Variants in PRKAA1 observed in about 807,000 individuals in gnomAD.
PRKAA1 encodes the protein 5'-AMP-activated protein kinase catalytic subunit alpha-1.
Under a neutral mutation model 56.9 loss-of-function variants are expected in PRKAA1, and 23 were observed. The ratio of observed to expected loss-of-function variants is 0.40; its 90% CI spans 0.29 to 0.57. The LOEUF (loss-of-function observed/expected upper bound fraction) is 0.57. Ranked by LOEUF, PRKAA1 falls within the 20% of genes least tolerant of loss-of-function variation. PRKAA1 has a pLI of 0.39. For missense variants in PRKAA1, 413 were observed against 679.7 expected, an observed-to-expected ratio of 0.61 and a Z score of 4.36; for synonymous variants, 226 against 227.0, an observed-to-expected ratio of 1.00 and a Z score of 0.04.
chr5:40,785,878 A>AGAGAGAGAGAGAGGGAGAGAGAGC (rs1454892834), intron 1 of PRKAA1, among the ~76,000 whole-genome samples: 1 of 149,042 alleles, frequency 6.7e-6, no homozygotes, highest in African/African-American at 2.5e-5. Context: ...AGAGAGAGAG[A>AGAGAGAGAGAGAGGGAGAGAGAGC]GCAAGCGAGC....
chr5:40,771,372 G>A (rs1743737774), intron 4 of PRKAA1, among the ~76,000 whole-genome samples: 1 of 152,140 alleles, frequency 6.6e-6, no homozygotes, highest in South Asian at 2.1e-4. Context: ...GCATGGTAGT[G>A]CACGCCTGCA....
intron 1 of PRKAA1, among the ~76,000 whole-genome samples, chr5:40,785,851 G>C (rs1181138492): frequency 5.1e-5 from 3 of 59,288 alleles, no homozygotes; most frequent in Non-Finnish European, 1.4e-4. Flanking sequence ...GAGAGAGAGA[G>C]AGAGAGAGAG....
In PRKAA1 at chr5:40,787,037, G is replaced by A. The variant is rs569038902; in HGVS notation, c.128-9451C>T. Among the ~76,000 whole-genome samples, 4 of 151,770 alleles carry A rather than the reference G, an allele frequency of 2.6e-5. No homozygotes were observed. The Admixed American group carries it at 2.6e-4, about 10-fold the overall frequency. ...ATAAAGAAGACACTAATGAGTGACA[G>A]GAAAACATGAAAAGTATAAAACTCA... On this transcript the variant is annotated intron_variant, in intron 1 of 8. Transcript: ENST00000397128.
At chr5:40,787,402 T>G (rs1744536799) in intron 1 of PRKAA1, among the ~76,000 whole-genome samples, 1 of 151,792 alleles carries the variant, frequency 6.6e-6, no homozygotes, top group East Asian at 1.9e-4. Context: ...GAGGTGGAGG[T>G]TGGGGTGAGC....
rs1561169061 is a variant in PRKAA1 at position 40,767,699 on chromosome 5, G to A, written c.597-9C>T. Reference sequence around the variant, plus strand: ...CTGGGCCTGCATACAATCTGTAACAGGAAATAACAATTGGATTAAAGAATC... The same window carrying A: ...CTGGGCCTGCATACAATCTGTAACAAGAAATAACAATTGGATTAAAGAATC... On this transcript the variant is annotated splice_polypyrimidine_tract_variant and intron_variant, in intron 5 of 8. Transcript: ENST00000397128. 2 of 1,569,640 alleles carry A rather than the reference G, an allele frequency of 1.3e-6. No individual in the cohort carries two copies. Among genetic ancestry groups the A allele is most frequent in the Admixed American group, 1.8e-5 (1 of 56,878 alleles).
intron 1 of PRKAA1, among the ~76,000 whole-genome samples, chr5:40,778,184 G>A (rs1246809450): frequency 6.6e-6 from 1 of 152,184 alleles, no homozygotes; most frequent in Non-Finnish European, 1.5e-5. Flanking sequence ...GGGAGGCAGA[G>A]GTTGCAGTGA....
intron 5 of PRKAA1, chr5:40,768,700 C>A: frequency 2.3e-6 from 3 of 1,280,306 alleles, no homozygotes; most frequent in Non-Finnish European, 3.0e-6. Context: ...GCAAAACATT[C>A]ACACAAATAA....
chr5:40,781,346 CT>C (rs1744257861), intron 1 of PRKAA1, among the ~76,000 whole-genome samples: 2 of 152,194 alleles, frequency 1.3e-5, no homozygotes, highest in South Asian at 2.1e-4. Context: ...TTTGTGCACC[CT>C]TTCTCAGGAA....
At chr5:40,779,619 C>G (rs1160183240) in intron 1 of PRKAA1, among the ~76,000 whole-genome samples, 1 of 152,064 alleles carries the variant, frequency 6.6e-6, no homozygotes, top group East Asian at 1.9e-4. Context: ...CAGGTGCACC[C>G]AGATTCATAA....
At chr5:40,796,573 C>T (rs1744937470) in intron 1 of PRKAA1, among the ~76,000 whole-genome samples, 1 of 152,140 alleles carries the variant, frequency 6.6e-6, no homozygotes, top group African/African-American at 2.4e-5. Flanking sequence ...TTATATGGAC[C>T]TGTCCTAATA....
chr5:40,790,876 T>C (rs1002457799), intron 1 of PRKAA1, among the ~76,000 whole-genome samples: 1 of 152,176 alleles, frequency 6.6e-6, no homozygotes, highest in Non-Finnish European at 1.5e-5. Context: ...TGGCATCTAA[T>C]AGCTTAGGAG....
intron 1 of PRKAA1, among the ~76,000 whole-genome samples, chr5:40,789,471 T>C (rs1002270865): frequency 2.6e-5 from 4 of 152,082 alleles, no homozygotes; most frequent in African/African-American, 7.2e-5. Context: ...AAACTAAAAA[T>C]AGAATTACTA....
intron 3 of PRKAA1, among the ~76,000 whole-genome samples, chr5:40,772,207 CT>C (rs1487729861): frequency 6.6e-6 from 1 of 152,188 alleles, no homozygotes; most frequent in African/African-American, 2.4e-5. Flanking sequence ...AATGTTTACT[CT>C]TTCATTCTTT....
At chr5:40,770,537 C>G (rs953712892) in intron 4 of PRKAA1, among the ~76,000 whole-genome samples, 1 of 151,110 alleles carries the variant, frequency 6.6e-6, no homozygotes, top group Non-Finnish European at 1.5e-5. Flanking sequence ...ATTCCTTTTT[C>G]TCTTAGGTTT....
chr5:40,776,588 C>A (rs904793832), intron 2 of PRKAA1, among the ~76,000 whole-genome samples: 2 of 152,136 alleles, frequency 1.3e-5, no homozygotes, highest in African/African-American at 4.8e-5. Flanking sequence ...AGGAGAAAAA[C>A]CTAAGCATCT....
chr5:40,772,243 C>G (rs1481698687), intron 3 of PRKAA1, among the ~76,000 whole-genome samples: 1 of 152,150 alleles, frequency 6.6e-6, no homozygotes, highest in African/African-American at 2.4e-5. Context: ...ATACCTTCAA[C>G]GTGCTACACA....
At position 40,764,263 on chromosome 5, in the gene PRKAA1, C is replaced by T. The variant is rs879011126; in HGVS notation, c.1435+251G>A. ...AAACAAATGCAGCAGAAAACTATCA[C>T]CTTAGGATCAGACTACACCTGGCTT... On this transcript the variant is annotated intron_variant, in intron 8 of 8. Coordinates refer to ENST00000397128, the MANE Select transcript of PRKAA1 (RefSeq NM_006251.6). 3 of 281,018 alleles carry T rather than the reference C, an allele frequency of 1.1e-5. No homozygotes were observed. The Admixed American group carries it at 1.4e-4, about 13-fold the overall frequency. 17.4% of individuals were successfully genotyped at this position (281,018 alleles called of 1,614,324 possible).
chr5:40,770,835 C>T (rs868462906), intron 4 of PRKAA1, among the ~76,000 whole-genome samples: 23 of 151,900 alleles, frequency 1.5e-4, no homozygotes, highest in Non-Finnish European at 1.0e-4. Flanking sequence ...AGGTGATCCG[C>T]CCGCCTCGGC....
rs1743333142 is a variant in PRKAA1 at position 40,764,541 on chromosome 5, A to G, written c.1408T>C (p.Tyr470His). The G allele has an allele frequency of 6.2e-7, 1 of 1,611,848 alleles. No homozygotes were observed. Among genetic ancestry groups the G allele is most frequent in the African/African-American group, 1.3e-5 (1 of 74,890 alleles). The change falls in exon 8 of 9, where the codon TAT (tyrosine) becomes CAT (histidine). Residue 470 changes from tyrosine to histidine, a missense_variant. This residue lies in a region of PRKAA1 where 139 missense variants were observed against 171.5 expected (regional missense o/e 0.81). Transcript: ENST00000397128. ...LQLYQVDSRT[Y>H]LLDFRSIDDE... ...TCAATACTACGGAAATCCAGTAGATAAGTTCTACTATCCACTTGGTATAAC... is the reference window on the plus strand; with the variant it reads ...TCAATACTACGGAAATCCAGTAGATGAGTTCTACTATCCACTTGGTATAAC...
Sources: gnomAD v4.1 joint callset for allele counts (sites outside exome capture counted in the v4.1 genomes callset) on GRCh38, gnomAD v4.1.1 for gene constraint, gnomAD v4.1.1 regional missense constraint, MANE v1.5 for transcripts, NCBI Gene and HGNC (gene_info 2026-07-23, HGNC 2026-07-21) for gene names.